The following RBFOX1 variants were observed in gnomAD, a reference collection of about 807,000 sequenced individuals.
RBFOX1 encodes RNA binding protein fox-1 homolog 1.
Under a neutral mutation model 57.7 loss-of-function variants are expected in RBFOX1, and 8 were observed. That is an observed-to-expected ratio of 0.14 (90% CI 0.08 to 0.25). RBFOX1 has a LOEUF of 0.25. Ranked by LOEUF, RBFOX1 falls within the 10% of genes least tolerant of loss-of-function variation. The pLI is 1.00. For synonymous variants in RBFOX1, 326 were observed against 222.4 expected, an observed-to-expected ratio of 1.47 and a Z score of -4.15; for missense variants, 611 against 548.5, an observed-to-expected ratio of 1.11 and a Z score of -1.14.
At chr16:5,894,485 G>T (rs1227604046) in intron 4 of RBFOX1, among the ~76,000 whole-genome samples, 1 of 151,928 alleles carries the variant, frequency 6.6e-6, no homozygotes, top group Non-Finnish European at 1.5e-5. Flanking sequence ...ATGTTGGCCT[G>T]GCTGGTCTTG....
intron 4 of RBFOX1, among the ~76,000 whole-genome samples, chr16:7,063,865 A>G (rs1211590052): frequency 6.6e-6 from 1 of 152,240 alleles, no homozygotes; most frequent in African/African-American, 2.4e-5. Context: ...GTGGATGTGC[A>G]TAGGTTATAT....
intron 3 of RBFOX1, among the ~76,000 whole-genome samples, chr16:5,657,172 T>A (rs1339743738): frequency 6.6e-6 from 1 of 152,192 alleles, no homozygotes; most frequent in Non-Finnish European, 1.5e-5. Flanking sequence ...TATTTATTAG[T>A]TTTTCTCTGG....
At position 6,637,355 on chromosome 16, in the gene RBFOX1, TTAA is replaced by T. The variant is rs1192880788; in HGVS notation, c.-63-17247_-63-17245del. Among the ~76,000 whole-genome samples the T allele has an allele frequency of 4.7e-5, 4 of 85,164 alleles. 1 individual carries two copies. In the East Asian group the frequency reaches 1.1e-3, roughly 24 times the overall value. The allele number at this position is 85,164 out of a possible 152,430, so 55.9% of individuals were successfully genotyped here. A position where few individuals can be genotyped will look rare whatever the true frequency, so the allele number is the denominator to read the frequency against. On this transcript the variant is annotated intron_variant, in intron 2 of 15. Coordinates refer to ENST00000550418, the MANE Select transcript of RBFOX1 (RefSeq NM_018723.4). ...ATAATATACAAATATATATTATATA[TTAA>T]ATATATATAATATATAATATACAAA...
intron 14 of RBFOX1, among the ~76,000 whole-genome samples, chr16:7,684,223 C>T (rs1350597997): frequency 1.3e-5 from 2 of 152,030 alleles, no homozygotes; most frequent in African/African-American, 4.8e-5. Context: ...TGACTTATGG[C>T]TTCCTTGGTG....
At chr16:7,387,225 A>G (rs1378944703) in intron 4 of RBFOX1, among the ~76,000 whole-genome samples, 1 of 152,190 alleles carries the variant, frequency 6.6e-6, no homozygotes, top group African/African-American at 2.4e-5. Context: ...CCATTGTGCA[A>G]AGTACCTACC....
chr16:7,080,059 T>C (rs190070708), intron 4 of RBFOX1, among the ~76,000 whole-genome samples: 1 of 135,244 alleles, frequency 7.4e-6, no homozygotes, highest in Admixed American at 7.4e-5. Flanking sequence ...TATATACATA[T>C]TATATATATA....
intron 1 of RBFOX1, among the ~76,000 whole-genome samples, chr16:6,083,585 T>TC: frequency 6.6e-6 from 1 of 152,156 alleles, no homozygotes; most frequent in East Asian, 1.9e-4. Context: ...CAGATGATCC[T>TC]CCAGCCTCAG....
At chr16:7,588,509 T>C (rs1029608266) in intron 7 of RBFOX1, among the ~76,000 whole-genome samples, 3 of 152,180 alleles carry the variant, frequency 2.0e-5, no homozygotes, top group Admixed American at 2.0e-4. Flanking sequence ...ATGCTTTCAA[T>C]AGCTCTGACG....
At chr16:7,574,014 T>C (rs2093060017) in intron 5 of RBFOX1, among the ~76,000 whole-genome samples, 1 of 152,180 alleles carries the variant, frequency 6.6e-6, no homozygotes, top group Non-Finnish European at 1.5e-5. Flanking sequence ...ACATTTTCTT[T>C]TCCTTAGGAA....
At chr16:6,459,698 C>T (rs142254960) in intron 2 of RBFOX1, among the ~76,000 whole-genome samples, 10 of 151,992 alleles carry the variant, frequency 6.6e-5, no homozygotes, top group Middle Eastern at 3.4e-3. Context: ...TTGCTCTTGC[C>T]GGGCACAGTG....
At chr16:5,893,874 T>G (rs2058099841) in intron 4 of RBFOX1, among the ~76,000 whole-genome samples, 1 of 151,898 alleles carries the variant, frequency 6.6e-6, no homozygotes. Flanking sequence ...AATTGAAGAT[T>G]AAACATAAAC....
At chr16:6,629,528 G>C (rs1415441012) in intron 2 of RBFOX1, among the ~76,000 whole-genome samples, 1 of 152,172 alleles carries the variant, frequency 6.6e-6, no homozygotes, top group East Asian at 1.9e-4. Flanking sequence ...TTCATCTTTT[G>C]ACCCTGAAAC....
chr16:7,357,860 G>T (rs1016319347), intron 4 of RBFOX1, among the ~76,000 whole-genome samples: 3 of 152,100 alleles, frequency 2.0e-5, no homozygotes, highest in African/African-American at 7.2e-5. Context: ...TCCATTCATG[G>T]AAGATATTTC....
At chr16:6,693,008 CA>C (rs1303596644) in intron 3 of RBFOX1, among the ~76,000 whole-genome samples, 1 of 152,008 alleles carries the variant, frequency 6.6e-6, no homozygotes, top group Non-Finnish European at 1.5e-5. Context: ...ACTACCATCA[CA>C]ACCATCATCA....
chr16:6,767,929 T>TAAGAAGAAGAAGAAGAAG (rs1388686342), intron 3 of RBFOX1, among the ~76,000 whole-genome samples: 2 of 88,480 alleles, frequency 2.3e-5, no homozygotes, highest in African/African-American at 1.2e-4. Flanking sequence ...ATAATAATAA[T>TAAGAAGAAGAAGAAGAAG]AATAATAATA....
At chr16:7,415,560 G>A (rs969094549) in intron 4 of RBFOX1, among the ~76,000 whole-genome samples, 1 of 152,064 alleles carries the variant, frequency 6.6e-6, no homozygotes, top group Non-Finnish European at 1.5e-5. Flanking sequence ...CCACTTTTCT[G>A]GCTTTGTGAT....
intron 3 of RBFOX1, among the ~76,000 whole-genome samples, chr16:6,788,931 G>A (rs113819679): frequency 3.1e-4 from 47 of 152,190 alleles, no homozygotes; most frequent in African/African-American, 9.4e-4. Flanking sequence ...CCAACTTCCC[G>A]AGTTCCTCCT....
chr16:6,799,053 A>T (rs1260723464), intron 3 of RBFOX1, among the ~76,000 whole-genome samples: 2 of 152,104 alleles, frequency 1.3e-5, no homozygotes, highest in Non-Finnish European at 2.9e-5. Flanking sequence ...AAATTAGGCT[A>T]TATTTGGTAG....
chr16:5,604,774 C>T (rs539866079), downstream of RBFOX1, among the ~76,000 whole-genome samples: 2 of 152,202 alleles, frequency 1.3e-5, no homozygotes, highest in East Asian at 3.9e-4. Context: ...CTTTTTCTTG[C>T]AGAAAAGGGG....
Sources: allele counts gnomAD v4.1 joint callset (sites outside exome capture counted in the v4.1 genomes callset), GRCh38; gene constraint gnomAD v4.1.1; transcripts MANE v1.5; gene names NCBI Gene and HGNC (gene_info 2026-07-23, HGNC 2026-07-21).